The following ABHD17B variants were observed in gnomAD, a reference collection of about 807,000 sequenced individuals.
The protein encoded by ABHD17B is alpha/beta hydrolase domain-containing protein 17B.
Under a neutral mutation model 26.2 loss-of-function variants are expected in ABHD17B, and 9 were observed. The ratio of observed to expected loss-of-function variants is 0.34; its 90% confidence interval spans 0.21 to 0.60. The LOEUF (loss-of-function observed/expected upper bound fraction) is 0.60. Ranked by LOEUF, ABHD17B falls within the 20% of genes least tolerant of loss-of-function variation. The pLI is 0.80. For synonymous variants in ABHD17B, 127 were observed against 122.3 expected, an observed-to-expected ratio of 1.04 and a Z score of -0.25; for missense variants, 224 against 352.1, an observed-to-expected ratio of 0.64 and a Z score of 2.91.
In ABHD17B at chr9:71,891,913, T is replaced by C. The variant is rs147787307; in HGVS notation, c.-3-16830A>G. 3.7e-3 allele frequency among the ~76,000 whole-genome samples: 564 copies of C among 152,304 alleles called. 4 individuals are homozygous for C. Among genetic ancestry groups the C allele is most frequent in the African/African-American group, 0.013 (526 of 41,554 alleles). On this transcript the variant is annotated intron_variant, in intron 1 of 3. Coordinates refer to ENST00000333421, the MANE Select transcript of ABHD17B (RefSeq NM_001025780.3). The stretch of plus-strand genomic sequence containing the variant: ...AAAAATTTTACCCAGTAAATTCTTC[T>C]AGTGAGATGCCAACGAAGCCTTTGG...
chr9:71,907,548 G>C (rs902841769), intron 1 of ABHD17B, among the ~76,000 whole-genome samples: 6 of 152,102 alleles, frequency 3.9e-5, no homozygotes, highest in Non-Finnish European at 7.4e-5. Flanking sequence ...TTTTGCTCTT[G>C]CTGCCCACGC....
chr9:71,905,258 G>T (rs1277263545), intron 1 of ABHD17B, among the ~76,000 whole-genome samples: 4 of 149,902 alleles, frequency 2.7e-5, no homozygotes, highest in African/African-American at 4.9e-5. Context: ...GAGTAGCTGG[G>T]ATTACAGGCG....
intron 1 of ABHD17B, among the ~76,000 whole-genome samples, chr9:71,879,478 T>C (rs924431789): frequency 3.9e-5 from 6 of 152,196 alleles, no homozygotes; most frequent in African/African-American, 1.4e-4. Context: ...GCATGACTCT[T>C]AATAAGTCAG....
chr9:71,904,891 AT>A (rs2132212581), intron 1 of ABHD17B, among the ~76,000 whole-genome samples: 2 of 152,316 alleles, frequency 1.3e-5, no homozygotes, highest in East Asian at 3.9e-4. Context: ...AAGGGCAGTC[AT>A]TTTTAAGTAA....
rs1589206840 is a variant in ABHD17B, at chr9:71,866,257, C to T, written c.*530G>A. 10 of 983,384 alleles carry T rather than the reference C, an allele frequency of 1.0e-5. No homozygotes were observed. The highest frequency in any genetic ancestry group is 1.2e-5 in the Non-Finnish European group (10 of 827,668). 60.9% of individuals were successfully genotyped at this position (983,384 alleles called of 1,614,324 possible). On this transcript the variant is annotated 3_prime_UTR_variant, in exon 4 of 4. Coordinates refer to ENST00000333421, the MANE Select transcript of ABHD17B (RefSeq NM_001025780.3). ...TATACAGAAAATTCAATGTATTTTA[C>T]AATAAAATAACTTTAAACCTCTATC...
intron 1 of ABHD17B, among the ~76,000 whole-genome samples, chr9:71,875,620 AG>A (rs1318838371): frequency 6.6e-6 from 1 of 152,226 alleles, no homozygotes; most frequent in Non-Finnish European, 1.5e-5. Context: ...GGTTTCAAAT[AG>A]CAGTGATTAT....
At chr9:71,899,002 T>C (rs922216718) in intron 1 of ABHD17B, among the ~76,000 whole-genome samples, 1 of 151,888 alleles carries the variant, frequency 6.6e-6, no homozygotes, top group African/African-American at 2.4e-5. Flanking sequence ...TGCATGCCTG[T>C]AATCCCAGCT....
chr9:71,898,735 C>A (rs1301389707), intron 1 of ABHD17B, among the ~76,000 whole-genome samples: 1 of 152,054 alleles, frequency 6.6e-6, no homozygotes, highest in Non-Finnish European at 1.5e-5. Flanking sequence ...TGGTGGCTCC[C>A]ACCTGCAATC....
intron 1 of ABHD17B, among the ~76,000 whole-genome samples, chr9:71,876,059 G>A (rs376972563): frequency 1.3e-5 from 2 of 152,082 alleles, no homozygotes; most frequent in South Asian, 4.1e-4. Flanking sequence ...ATAACCTATA[G>A]AACATTAAAG....
intron 1 of ABHD17B, among the ~76,000 whole-genome samples, chr9:71,900,831 T>A (rs1028086947): frequency 6.6e-6 from 1 of 151,870 alleles, no homozygotes; most frequent in Non-Finnish European, 1.5e-5. Flanking sequence ...TGTTTCCACA[T>A]CAGAGTTCAT....
intron 1 of ABHD17B, among the ~76,000 whole-genome samples, chr9:71,890,525 T>C (rs978049425): frequency 2.0e-5 from 3 of 152,234 alleles, no homozygotes; most frequent in Non-Finnish European, 4.4e-5. Context: ...TTGCAATTTA[T>C]TAAGTTTTTA....
At chr9:71,903,133 GTATT>G (rs1326503058) in intron 1 of ABHD17B, among the ~76,000 whole-genome samples, 1 of 151,640 alleles carries the variant, frequency 6.6e-6, no homozygotes, top group African/African-American at 2.4e-5. Context: ...ATTTTAAAAA[GTATT>G]TATCTGTATA....
At position 71,874,673 on chromosome 9, in the gene ABHD17B, T is replaced by C. The variant is rs368730413; in HGVS notation, c.408A>G (p.Lys136=). The part of the protein sequence containing the change: ...DYSGYGASSG[K]PTEKNLYADI... ...CTGCATAGAGGTTCTTCTCTGTGGG[T>C]TTCCCGGAACTGGCACCATATCCAG... Residue 136 remains lysine (K), a synonymous_variant, in exon 2 of 4, where the codon AAA becomes AAG. Transcript: ENST00000333421. 91 of 1,613,114 alleles carry C rather than the reference T, an allele frequency of 5.6e-5. No homozygotes were observed. Among genetic ancestry groups the C allele is most frequent in the Admixed American group, 4.5e-4 (27 of 59,964 alleles).
intron 1 of ABHD17B, among the ~76,000 whole-genome samples, chr9:71,893,145 T>C (rs114688595): frequency 6.6e-6 from 1 of 152,346 alleles, no homozygotes; most frequent in African/African-American, 2.4e-5. Context: ...TCCTTTGCAC[T>C]CACACCACAA....
chr9:71,880,410 C>A (rs114616406), intron 1 of ABHD17B, among the ~76,000 whole-genome samples: 2 of 151,750 alleles, frequency 1.3e-5, no homozygotes, highest in Admixed American at 6.6e-5. Context: ...CAAAATCAAG[C>A]TGAAAGACAA....
chr9:71,879,532 AG>A, intron 1 of ABHD17B, among the ~76,000 whole-genome samples: 1 of 152,344 alleles, frequency 6.6e-6, no homozygotes, highest in African/African-American at 2.4e-5. Context: ...CATCTAAAGG[AG>A]TTACAATTAT....
intron 1 of ABHD17B, among the ~76,000 whole-genome samples, chr9:71,879,158 C>T (rs1826366517): frequency 6.6e-6 from 1 of 152,120 alleles, no homozygotes; most frequent in East Asian, 1.9e-4. Context: ...CCTGTCTCAA[C>T]AATAACAACA....
At chr9:71,901,279 T>C (rs1827133556) in intron 1 of ABHD17B, among the ~76,000 whole-genome samples, 1 of 152,038 alleles carries the variant, frequency 6.6e-6, no homozygotes, top group Non-Finnish European at 1.5e-5. Context: ...ACCTCTTTAC[T>C]TCTCACTTAC....
chr9:71,903,135 AT>A (rs1399167795), intron 1 of ABHD17B, among the ~76,000 whole-genome samples: 1 of 152,098 alleles, frequency 6.6e-6, no homozygotes, highest in Non-Finnish European at 1.5e-5. Context: ...TTTAAAAAGT[AT>A]TTATCTGTAT....
Sources: gnomAD v4.1 joint callset for allele counts (sites outside exome capture counted in the v4.1 genomes callset) on GRCh38, gnomAD v4.1.1 for gene constraint, MANE v1.5 for transcripts, NCBI Gene and HGNC (gene_info 2026-07-23, HGNC 2026-07-21) for gene names.